ARHGEF4: variants seen among roughly 807,000 people sequenced by gnomAD.
ARHGEF4 encodes APC-stimulated guanine nucleotide exchange factor 1.
A neutral mutation model predicts 162.0 loss-of-function variants in ARHGEF4; 119 were observed. The observed-to-expected ratio is 0.73, with a 90% confidence interval of 0.63 to 0.86. The LOEUF is 0.86. ARHGEF4 is among the 40% of genes least tolerant of loss of function. ARHGEF4 has a pLI of 0.00. For synonymous variants in ARHGEF4, 1,014 were observed against 979.9 expected, an observed-to-expected ratio of 1.03 and a Z score of -0.65; for missense variants, 2,488 against 2,456.0, an observed-to-expected ratio of 1.01 and a Z score of -0.28.
chr2:131,035,457 T>A, intron 5 of ARHGEF4: 1 of 372,852 alleles, frequency 2.7e-6, no homozygotes, highest in Non-Finnish European at 4.0e-6. Flanking sequence ...ACAGGGTCCT[T>A]CTGTCCTCTG....
chr2:131,043,796 G>A (rs979033135), intron 11 of ARHGEF4: 2 of 599,628 alleles, frequency 3.3e-6, no homozygotes, highest in Non-Finnish European at 5.8e-6. Flanking sequence ...CAGGCCGGGT[G>A]CTGTTGAGAG....
At chr2:131,025,722 G>T (rs190484262) in intron 4 of ARHGEF4, among the ~76,000 whole-genome samples, 27 of 152,274 alleles carry the variant, frequency 1.8e-4, no homozygotes, top group South Asian at 1.4e-3. Flanking sequence ...TATCTGGTTG[G>T]GGGGAGTCAG....
chr2:131,044,615 G>C (rs1023543001), intron 12 of ARHGEF4, 73 bp downstream of exon 12: 15 of 1,508,340 alleles, frequency 9.9e-6, no homozygotes, highest in Non-Finnish European at 1.2e-5. Context: ...GCCGCCTGCC[G>C]GTCAGGAGAG....
chr2:130,884,643 C>T (rs577415164), intron 1 of ARHGEF4, among the ~76,000 whole-genome samples: 13 of 152,140 alleles, frequency 8.5e-5, no homozygotes, highest in Middle Eastern at 3.4e-3. Context: ...CTCTGCTGGA[C>T]GAAGTAAAAC....
chr2:130,910,500 A>G (rs1286271137), intron 1 of ARHGEF4, among the ~76,000 whole-genome samples: 11 of 152,240 alleles, frequency 7.2e-5, no homozygotes, highest in Non-Finnish European at 1.5e-4. Context: ...ACCTGCTCAC[A>G]TAAGGCTGAA....
At position 130,916,926 on chromosome 2, in the gene ARHGEF4, G is replaced by A. The variant is rs1681536231; in HGVS notation, c.2980G>A (p.Asp994Asn). The A allele has an allele frequency of 3.9e-6, 6 of 1,550,550 alleles. No individual in the cohort carries two copies. Among genetic ancestry groups the A allele is most frequent in the Non-Finnish European group, 5.2e-6 (6 of 1,147,036 alleles). Residue 994 changes from aspartate (D) to asparagine (N), a missense_variant, in exon 2 of 14, where the codon GAC becomes AAC. By Grantham distance (23) the Asp-to-Asn change is conservative. Coordinates refer to ENST00000409359, the MANE Select transcript of ARHGEF4 (RefSeq NM_001367493.1). Reference sequence around the variant, plus strand: ...CAGCCACTGTGAGGAACGGGCGGAGGACAAAGAGGGCTATGTTTTTAGCGA... The same window carrying A: ...CAGCCACTGTGAGGAACGGGCGGAGAACAAAGAGGGCTATGTTTTTAGCGA... The part of the protein sequence containing the change: ...TDSHCEERAE[D>N]KEGYVFSDHW...
intron 1 of ARHGEF4, among the ~76,000 whole-genome samples, chr2:130,838,083 G>A (rs1019632383): frequency 3.9e-5 from 6 of 152,232 alleles, no homozygotes; most frequent in Admixed American, 1.3e-4. Context: ...ATCAAGAGTG[G>A]AGAGGGCCGG....
chr2:131,027,269 C>T (rs1227203811), intron 4 of ARHGEF4, among the ~76,000 whole-genome samples: 1 of 152,218 alleles, frequency 6.6e-6, no homozygotes, highest in Middle Eastern at 3.2e-3. Flanking sequence ...TGAAAAGAGC[C>T]AGCCAGAGAA....
At chr2:130,922,781 T>C (rs1256219745) in intron 2 of ARHGEF4, among the ~76,000 whole-genome samples, 1 of 151,792 alleles carries the variant, frequency 6.6e-6, no homozygotes. Flanking sequence ...TTTCACTCTC[T>C]TGTGGGACAT....
Position 130,963,774 on chromosome 2 carries a change from C to T in ARHGEF4, c.3985+17139C>T, listed in dbSNP as rs1684787949. ...AGCGAGCTGACGCGCTGCGCTCTGC[C>T]GGGAGGGCGCCTGGCCTCGCTCCGA... On this transcript the variant is annotated intron_variant, in intron 4 of 13. Coordinates refer to ENST00000409359, the MANE Select transcript of ARHGEF4 (RefSeq NM_001367493.1). The T allele has an allele frequency of 2.7e-5, 4 of 146,924 alleles. No individual in the cohort carries two copies. In the South Asian group the frequency reaches 8.3e-4, roughly 30 times the overall value. 9.1% of individuals were successfully genotyped at this position (146,924 alleles called of 1,614,324 possible). A position where few individuals can be genotyped will look rare whatever the true frequency, so the allele number is the denominator to read the frequency against.
intron 3 of ARHGEF4, among the ~76,000 whole-genome samples, chr2:130,936,738 C>T (rs1403218524): frequency 6.6e-6 from 1 of 152,024 alleles, no homozygotes; most frequent in African/African-American, 2.4e-5. Flanking sequence ...CTATTTTGTT[C>T]CAATGTGTCT....
rs371741580 is a variant in ARHGEF4 at position 130,935,467 on chromosome 2, G to A, written c.3858+4210G>A. On this transcript the variant is annotated intron_variant, in intron 3 of 13. Transcript: ENST00000409359. Reference sequence around the variant, plus strand: ...AAATTAGACTAAAAATGTAAAATTGGACTATTGATTTGAGAAATTCTTTTT... The same window carrying A: ...AAATTAGACTAAAAATGTAAAATTGAACTATTGATTTGAGAAATTCTTTTT... Among the ~76,000 whole-genome samples, 66 of 152,262 alleles carry A rather than the reference G, an allele frequency of 4.3e-4. 1 individual carries two copies. In the South Asian group the frequency reaches 0.013, roughly 31 times the overall value.
intron 4 of ARHGEF4, among the ~76,000 whole-genome samples, chr2:130,963,294 G>T (rs1333067672): frequency 2.0e-5 from 3 of 152,012 alleles, no homozygotes; most frequent in Non-Finnish European, 4.4e-5. Context: ...CGCTCACCGT[G>T]CGCCTGGCTG....
intron 4 of ARHGEF4, among the ~76,000 whole-genome samples, chr2:130,981,116 A>G (rs1336052176): frequency 1.3e-5 from 2 of 152,164 alleles, no homozygotes; most frequent in African/African-American, 2.4e-5. Flanking sequence ...TAAAACTCTC[A>G]TAGCTCTGTA....
chr2:131,034,268 TC>T (rs1318883094), intron 5 of ARHGEF4, among the ~76,000 whole-genome samples: 1 of 152,166 alleles, frequency 6.6e-6, no homozygotes, highest in Non-Finnish European at 1.5e-5. Context: ...TTTAGCCCTC[TC>T]CCCTGCAGTC....
chr2:131,041,457 G>C lies in ARHGEF4; in HGVS notation c.4890G>C (p.Gln1630His). ...AGCTGCTCAAATACACGCACCCCCA[G>C]CACAGGTAGGAGGGCACTGAGGCAG... is the stretch of plus-strand genomic sequence containing the variant. ...LAELLKYTHP[Q>H]HRDFKDVEAA... The change falls in exon 9 of 14, where the codon CAG becomes CAC. Residue 1630 changes from glutamine to histidine, a missense_variant. Transcript: ENST00000409359. The C allele has an allele frequency of 6.2e-7, 1 of 1,611,864 alleles. No homozygotes were observed. Among genetic ancestry groups the C allele is most frequent in the Non-Finnish European group, 8.5e-7 (1 of 1,179,532 alleles).
intron 1 of ARHGEF4, among the ~76,000 whole-genome samples, chr2:130,843,822 G>T (rs1680764833): frequency 6.6e-6 from 1 of 152,232 alleles, no homozygotes; most frequent in African/African-American, 2.4e-5. Context: ...CTGAGTCTGT[G>T]TGTGGCCAGG....
rs1559035303 is a variant in ARHGEF4 at position 130,914,250 on chromosome 2, C to A, written c.304C>A (p.Pro102Thr). The A allele has an allele frequency of 1.2e-5, 18 of 1,534,638 alleles. No homozygotes were observed. The highest frequency in any genetic ancestry group is 1.7e-4 in the Middle Eastern group (1 of 5,814). ...AGGTACTCCCGTAGATATAGAAGCA[C>A]CTTGGGAATACCCTGATGTCTCAGC... ...LRGTPVDIEA[P>T]WEYPDVSATG... is the part of the protein sequence containing the mutation. Residue 102 changes from proline (P) to threonine (T), a missense_variant, in exon 2 of 14, where the codon CCT (proline) becomes ACT (threonine). Coordinates refer to ENST00000409359, the MANE Select transcript of ARHGEF4 (RefSeq NM_001367493.1).
At chr2:130,911,123 G>A (rs1479698525) in intron 1 of ARHGEF4, among the ~76,000 whole-genome samples, 1 of 152,162 alleles carries the variant, frequency 6.6e-6, no homozygotes, top group African/African-American at 2.4e-5. Context: ...GCAGGGAAGC[G>A]GTGAGGTCAG....
Sources: allele counts gnomAD v4.1 joint callset (sites outside exome capture counted in the v4.1 genomes callset), GRCh38; gene constraint gnomAD v4.1.1; transcripts MANE v1.5; gene names NCBI Gene and HGNC (gene_info 2026-07-23, HGNC 2026-07-21).